The following NUFIP1 variants were observed in gnomAD, a reference collection of about 807,000 sequenced individuals.
NUFIP1 encodes the protein nuclear FMR1 interacting protein 1, also known as FMR1-interacting protein NUFIP1.
A neutral mutation model predicts 56.2 loss-of-function variants in NUFIP1; 38 were observed. That is an observed-to-expected ratio of 0.68 (90% CI 0.52 to 0.89). The LOEUF (loss-of-function observed/expected upper bound fraction) is 0.89. Ranked by LOEUF, NUFIP1 falls within the 40% of genes least tolerant of loss-of-function variation. The pLI, the probability that NUFIP1 is intolerant of heterozygous loss-of-function variation, is 0.00. For missense variants in NUFIP1, 567 were observed against 605.8 expected (o/e 0.94, Z 0.67); for synonymous variants, 215 against 212.4 (o/e 1.01, Z -0.10).
intron 7 of NUFIP1, among the ~76,000 whole-genome samples, chr13:44,953,878 A>G (rs925746367): frequency 6.6e-6 from 1 of 152,048 alleles, no homozygotes; most frequent in Non-Finnish European, 1.5e-5. Flanking sequence ...TCACACAAAT[A>G]AACAACTCTT....
intron 7 of NUFIP1, among the ~76,000 whole-genome samples, chr13:44,951,053 C>A (rs185357951): frequency 6.6e-6 from 1 of 152,312 alleles, no homozygotes; most frequent in East Asian, 1.9e-4. Context: ...CTGGATGGAG[C>A]TAAATCCTCT....
intron 5 of NUFIP1, among the ~76,000 whole-genome samples, chr13:44,976,288 A>G (rs770748486): frequency 1.3e-5 from 2 of 151,244 alleles, no homozygotes; most frequent in East Asian, 1.9e-4. Context: ...ATGAAAGAAG[A>G]AGGAAGGAAG....
At chr13:44,984,900 C>T (rs567785365) in intron 1 of NUFIP1, among the ~76,000 whole-genome samples, 5 of 152,250 alleles carry the variant, frequency 3.3e-5, no homozygotes, top group Admixed American at 2.6e-4. Flanking sequence ...TGATGTTCTC[C>T]TTCCTGTGTC....
intron 1 of NUFIP1, 116 bp downstream of exon 1, chr13:44,988,909 A>G: frequency 9.8e-7 from 1 of 1,017,782 alleles, no homozygotes; most frequent in Non-Finnish European, 1.4e-6. Flanking sequence ...GATGCTAATG[A>G]CCAGACTCCA....
At chr13:44,975,659 T>C (rs1310328990) in intron 5 of NUFIP1, among the ~76,000 whole-genome samples, 1 of 152,192 alleles carries the variant, frequency 6.6e-6, no homozygotes, top group African/African-American at 2.4e-5. Flanking sequence ...CCTTATCTTT[T>C]CCTAGTTAGT....
intron 6 of NUFIP1, among the ~76,000 whole-genome samples, chr13:44,965,478 G>A (rs908138768): frequency 7.2e-5 from 11 of 152,164 alleles, no homozygotes; most frequent in South Asian, 2.1e-4. Context: ...GGCAGATCAC[G>A]AGGTCAAGAG....
intron 7 of NUFIP1, among the ~76,000 whole-genome samples, chr13:44,952,142 GT>G (rs907419308): frequency 1.2e-4 from 18 of 152,112 alleles, no homozygotes; most frequent in South Asian, 8.3e-4. Flanking sequence ...TGATAATTCT[GT>G]TTTTTTGTTT....
At chr13:44,941,661 C>T (rs1184950022) in intron 9 of NUFIP1, among the ~76,000 whole-genome samples, 1 of 149,116 alleles carries the variant, frequency 6.7e-6, no homozygotes, top group Admixed American at 6.7e-5. Flanking sequence ...CTACAGACAC[C>T]CGCCACCATG....
chr13:44,985,848 T>C (rs995925947), intron 1 of NUFIP1, among the ~76,000 whole-genome samples: 2 of 152,212 alleles, frequency 1.3e-5, no homozygotes, highest in Non-Finnish European at 2.9e-5. Flanking sequence ...AAGAGTCACA[T>C]GTCTCTCATT....
At chr13:44,950,719 C>G (rs1382549670) in intron 7 of NUFIP1, among the ~76,000 whole-genome samples, 1 of 152,266 alleles carries the variant, frequency 6.6e-6, no homozygotes, top group East Asian at 1.9e-4. Flanking sequence ...ATTTACCAAG[C>G]ATAATACTAA....
At chr13:44,979,555 T>C (rs1450442521) in intron 4 of NUFIP1, among the ~76,000 whole-genome samples, 1 of 152,088 alleles carries the variant, frequency 6.6e-6, no homozygotes, top group Non-Finnish European at 1.5e-5. Context: ...GACTTACCAA[T>C]CAAAACCTAG....
intron 7 of NUFIP1, among the ~76,000 whole-genome samples, chr13:44,956,696 T>C (rs1429588303): frequency 6.6e-6 from 1 of 152,160 alleles, no homozygotes; most frequent in Non-Finnish European, 1.5e-5. Flanking sequence ...AATCTAATGC[T>C]GCTGCTGATC....
intron 8 of NUFIP1, among the ~76,000 whole-genome samples, chr13:44,948,794 C>T (rs372604764): frequency 1.2e-4 from 19 of 152,222 alleles, no homozygotes; most frequent in South Asian, 8.3e-4. Flanking sequence ...ACAATGAAGC[C>T]TCACACGTTA....
At chr13:44,985,903 G>T (rs537914654) in intron 1 of NUFIP1, among the ~76,000 whole-genome samples, 4 of 152,194 alleles carry the variant, frequency 2.6e-5, no homozygotes, top group African/African-American at 9.7e-5. Context: ...AGGAAGACAC[G>T]TTGAAAGCTG....
rs570282484 is a variant in NUFIP1 at position 44,985,786 on chromosome 13, A to C, written c.412+3239T>G. On this transcript the variant is annotated intron_variant, in intron 1 of 9. Transcript: ENST00000379161. ...CTATCCTCTGAGACGCAATATTCAAAAGTAGGCCAATTAATAACCCTATCA... is the reference window on the plus strand; with the variant it reads ...CTATCCTCTGAGACGCAATATTCAACAGTAGGCCAATTAATAACCCTATCA... Among the ~76,000 whole-genome samples, 83 of 152,268 alleles carry C rather than the reference A, an allele frequency of 5.5e-4. 2 individuals are homozygous for C. The highest frequency in any genetic ancestry group is 1.9e-3 in the African/African-American group (77 of 41,550).
intron 6 of NUFIP1, among the ~76,000 whole-genome samples, chr13:44,962,548 T>C (rs1293277202): frequency 6.6e-6 from 1 of 152,240 alleles, no homozygotes; most frequent in Non-Finnish European, 1.5e-5. Context: ...ACAGTAGTCC[T>C]ATAAGATTAT....
intron 5 of NUFIP1, 98 bp from the exon 6 acceptor site, chr13:44,966,034 C>A: frequency 1.9e-6 from 1 of 522,294 alleles, no homozygotes. Flanking sequence ...TGTTTAACAC[C>A]TAACACAGCA....
At position 44,959,440 on chromosome 13, in the gene NUFIP1, A is replaced by G; in HGVS notation, c.962T>C (p.Leu321Pro). Residue 321 changes from leucine (L) to proline (P), a missense_variant, in exon 7 of 10, where the codon CTA (leucine) becomes CCA (proline). Physicochemically the swap from Leu to Pro is moderately conservative, Grantham distance 98. Transcript: ENST00000379161. ...GSGSHLCDLKLEGPPEANADP... is the reference protein window; with the variant it reads ...GSGSHLCDLKPEGPPEANADP... ...TGCATTTGCCTCCGGTGGACCTTCT[A>G]GCTTCAAATCACACAAGTGACTGCC... The G allele has an allele frequency of 6.2e-7, 1 of 1,614,102 alleles. No homozygotes were observed. The highest frequency in any genetic ancestry group is 1.1e-5 in the South Asian group (1 of 91,030).
At chr13:44,948,141 C>CTT (rs61398364) in intron 8 of NUFIP1, among the ~76,000 whole-genome samples, 7,129 of 120,780 alleles carry the variant, frequency 0.059, 727 homozygotes, top group African/African-American at 0.17. Context: ...ACTACATTTC[C>CTT]TTTTTTTTTT....
Sources: allele counts gnomAD v4.1 joint callset (sites outside exome capture counted in the v4.1 genomes callset), GRCh38; gene constraint gnomAD v4.1.1; transcripts MANE v1.5; gene names NCBI Gene and HGNC (gene_info 2026-07-23, HGNC 2026-07-21).